AKR1C4: variants seen among roughly 807,000 people sequenced by gnomAD.
AKR1C4 encodes 3-alpha-HSD1.
A neutral mutation model predicts 41.0 loss-of-function variants in AKR1C4; 44 were observed. The observed-to-expected ratio is 1.07, with a 90% CI of 0.84 to 1.38. The LOEUF (loss-of-function observed/expected upper bound fraction) is 1.38. AKR1C4 is among the 40% of genes most tolerant of loss of function. The pLI, the probability that AKR1C4 is intolerant of heterozygous loss-of-function variation, is 0.00. For missense variants in AKR1C4, 438 were observed against 387.9 expected, an observed-to-expected ratio of 1.13 and a Z score of -1.09; for synonymous variants, 165 against 137.7, an observed-to-expected ratio of 1.20 and a Z score of -1.39.
At chr10:5,217,929 G>A (rs1441102414) in intron 8 of AKR1C4, among the ~76,000 whole-genome samples, 1 of 152,194 alleles carries the variant, frequency 6.6e-6, no homozygotes, top group Non-Finnish European at 1.5e-5. Flanking sequence ...CAGTGGAGAT[G>A]TTAACAAGTA....
chr10:5,203,754 C>CA, intron 2 of AKR1C4, among the ~76,000 whole-genome samples: 1 of 152,294 alleles, frequency 6.6e-6, no homozygotes, highest in South Asian at 2.1e-4. Context: ...ACACTGCCTC[C>CA]AATCCACAAT....
chr10:5,218,681 T>C lies in AKR1C4; in HGVS notation c.930-37T>C, dbSNP rs373252754. 5.1e-4 allele frequency: 781 copies of C among 1,520,762 alleles called. 1 individual carries two copies. The highest frequency in any genetic ancestry group is 6.4e-4 in the Non-Finnish European group (702 of 1,096,314). 94.2% of individuals were successfully genotyped at this position (1,520,762 alleles called of 1,614,324 possible). A position where few individuals can be genotyped will look rare whatever the true frequency, so the allele number is the denominator to read the frequency against. Reference sequence around the variant, plus strand: ...GCTACCAGCTTTTTAATAGAGTCATTTCATCCATATTTATGTACTATCCTT... The same window carrying C: ...GCTACCAGCTTTTTAATAGAGTCATCTCATCCATATTTATGTACTATCCTT... On this transcript the variant is annotated intron_variant, in intron 8 of 8. Coordinates refer to ENST00000263126, the MANE Select transcript of AKR1C4 (RefSeq NM_001818.5).
At position 5,205,791 on chromosome 10, in the gene AKR1C4, G is replaced by C. The variant is rs11253043; in HGVS notation, c.404G>C (p.Gly135Ala). The C allele has an allele frequency of 8.1e-6, 13 of 1,613,346 alleles. No homozygotes were observed. The highest frequency in any genetic ancestry group is 5.0e-5 in the Admixed American group (3 of 59,962). ...GETPLPKDENGKVIFDTVDLS... is the reference protein window; with the variant it reads ...GETPLPKDENAKVIFDTVDLS... ...ACGCCACTACCAAAAGATGAAAATG[G>C]AAAAGTAATATTCGACACAGTGGAT... is the stretch of plus-strand genomic sequence containing the variant. The change falls in exon 4 of 9, where the codon GGA becomes GCA. Residue 135 changes from glycine (G) to alanine (A), a missense_variant. By Grantham distance (60) the Gly-to-Ala change is moderately conservative (BLOSUM62 0). Transcript: ENST00000263126.
At chr10:5,208,253 C>G (rs1469649791) in intron 5 of AKR1C4, among the ~76,000 whole-genome samples, 1 of 151,546 alleles carries the variant, frequency 6.6e-6, no homozygotes, top group Non-Finnish European at 1.5e-5. Context: ...GTTCTGTTCT[C>G]TTACTCTTTT....
chr10:5,214,742 C>T (rs936828159), intron 7 of AKR1C4, among the ~76,000 whole-genome samples: 1 of 152,056 alleles, frequency 6.6e-6, no homozygotes, highest in Non-Finnish European at 1.5e-5. Context: ...ATGCTTCTTA[C>T]CTAGACTCAT....
chr10:5,204,317 C>T lies in AKR1C4; in HGVS notation c.253-60C>T, dbSNP rs566667994. 4 of 1,296,250 alleles carry T rather than the reference C, an allele frequency of 3.1e-6. No homozygotes were observed. The African/African-American group carries it at 4.4e-5, about 14-fold the overall frequency. The allele number at this position is 1,296,250 out of a possible 1,614,324, so 80.3% of individuals were successfully genotyped here. On this transcript the variant is annotated intron_variant, in intron 2 of 8. Transcript: ENST00000263126. ...AAAAATGTCTAAATATTAGGTGAAG[C>T]AAACTAATAAAACTAGCTCATGTTT...
At chr10:5,202,145 C>A (rs1403928208) in intron 2 of AKR1C4, among the ~76,000 whole-genome samples, 1 of 152,052 alleles carries the variant, frequency 6.6e-6, no homozygotes, top group African/African-American at 2.4e-5. Context: ...TTGATTCTTT[C>A]TATCCATAAG....
chr10:5,218,472 C>T (rs1431690823), intron 8 of AKR1C4, among the ~76,000 whole-genome samples: 1 of 149,944 alleles, frequency 6.7e-6, no homozygotes, highest in Non-Finnish European at 1.5e-5. Flanking sequence ...TATGTTTGAA[C>T]AATTGACCCT....
At chr10:5,213,630 A>G (rs1832610117) in intron 7 of AKR1C4, among the ~76,000 whole-genome samples, 1 of 152,200 alleles carries the variant, frequency 6.6e-6, no homozygotes, top group Admixed American at 6.5e-5. Context: ...AATTATACTG[A>G]GTAAACTTAT....
intron 2 of AKR1C4, 99 bp from the exon 3 acceptor site, chr10:5,204,277 CT>C (rs1319592261): frequency 3.3e-6 from 3 of 903,526 alleles, no homozygotes; most frequent in African/African-American, 3.3e-5. Context: ...CAGAGGTCAT[CT>C]GTTTGGAACG....
At chr10:5,205,704 C>A in intron 3 of AKR1C4, 53 bp from the exon 4 acceptor site, 2 of 1,485,434 alleles carry the variant, frequency 1.3e-6, no homozygotes, top group Non-Finnish European at 9.4e-7. Flanking sequence ...TGGGAGCATG[C>A]CTATGGGTGG....
intron 1 of AKR1C4, among the ~76,000 whole-genome samples, chr10:5,198,427 G>C (rs1475488199): frequency 3.3e-5 from 5 of 152,162 alleles, no homozygotes; most frequent in East Asian, 1.9e-4. Flanking sequence ...GTTGTACAAA[G>C]TGTGGGGTTT....
intron 4 of AKR1C4, 87 bp downstream of exon 4, chr10:5,205,921 G>C: frequency 3.0e-6 from 4 of 1,325,212 alleles, no homozygotes; most frequent in Non-Finnish European, 4.2e-6. Flanking sequence ...ATTGGAATAT[G>C]CACCATTGGA....
chr10:5,208,908 C>CA (rs35154936), intron 5 of AKR1C4, among the ~76,000 whole-genome samples: 83,001 of 147,738 alleles, frequency 0.56, 24,361 homozygotes, highest in East Asian at 0.97. Context: ...AAAACAAAAA[C>CA]AAAAAAAAAA....
chr10:5,201,205 A>C (rs80291659), intron 2 of AKR1C4, among the ~76,000 whole-genome samples: 1 of 152,096 alleles, frequency 6.6e-6, no homozygotes, highest in Admixed American at 6.5e-5. Flanking sequence ...TAAAGATTAC[A>C]CTCATTTACA....
At chr10:5,208,445 T>C (rs1490032619) in intron 5 of AKR1C4, among the ~76,000 whole-genome samples, 2 of 151,666 alleles carry the variant, frequency 1.3e-5, no homozygotes, top group African/African-American at 4.9e-5. Flanking sequence ...GAAGGGATAA[T>C]ACAGGACATC....
chr10:5,199,845 C>T (rs1265994479), intron 1 of AKR1C4, among the ~76,000 whole-genome samples: 8 of 152,182 alleles, frequency 5.3e-5, no homozygotes, highest in African/African-American at 7.2e-5. Flanking sequence ...ATACAGAAAG[C>T]CCTCTGTCCT....
chr10:5,199,942 G>C (rs1832371468), intron 1 of AKR1C4, among the ~76,000 whole-genome samples: 1 of 152,210 alleles, frequency 6.6e-6, no homozygotes, highest in Admixed American at 6.5e-5. Flanking sequence ...AGAGCACCCT[G>C]TAACACATGC....
chr10:5,207,998 T>C (rs1832515669), intron 5 of AKR1C4, among the ~76,000 whole-genome samples: 1 of 146,750 alleles, frequency 6.8e-6, no homozygotes, highest in South Asian at 2.1e-4. Context: ...CAAGCAAGTA[T>C]AGTAAATTAA....
Sources: allele counts gnomAD v4.1 joint callset (sites outside exome capture counted in the v4.1 genomes callset), GRCh38; gene constraint gnomAD v4.1.1; transcripts MANE v1.5; gene names NCBI Gene and HGNC (gene_info 2026-07-23, HGNC 2026-07-21).